Variants in PHACTR1 observed in about 807,000 individuals in gnomAD.
PHACTR1 encodes the protein phosphatase and actin regulator 1.
Under a neutral mutation model 69.2 loss-of-function variants are expected in PHACTR1, and 16 were observed. The observed-to-expected ratio is 0.23, with a 90% confidence interval of 0.16 to 0.35. The LOEUF is 0.35. PHACTR1 is among the 10% of genes least tolerant of loss of function. PHACTR1 has a pLI of 1.00. For synonymous variants in PHACTR1, 312 were observed against 284.5 expected (o/e 1.10, Z -0.97); for missense variants, 510 against 734.7 (o/e 0.69, Z 3.54).
intron 4 of PHACTR1, among the ~76,000 whole-genome samples, chr6:12,971,424 G>A (rs558378273): frequency 1.3e-5 from 2 of 152,282 alleles, no homozygotes; most frequent in South Asian, 2.1e-4. Context: ...AAACTCAAAC[G>A]ACTAAAAGTA....
At chr6:13,072,063 A>G (rs1809621477) in intron 5 of PHACTR1, among the ~76,000 whole-genome samples, 1 of 152,244 alleles carries the variant, frequency 6.6e-6, no homozygotes, top group African/African-American at 2.4e-5. Flanking sequence ...GAAAAGATTC[A>G]TTAGCAAATC....
chr6:12,938,057 G>A (rs893831860), intron 4 of PHACTR1, among the ~76,000 whole-genome samples: 2 of 151,928 alleles, frequency 1.3e-5, no homozygotes, highest in African/African-American at 4.8e-5. Context: ...CCGAGGTCAC[G>A]CCACTGCACT....
chr6:13,195,599 A>G (rs115799331), intron 7 of PHACTR1, among the ~76,000 whole-genome samples: 2,902 of 151,866 alleles, frequency 0.019, 101 homozygotes, highest in African/African-American at 0.065. Context: ...CTCTACTGAA[A>G]CTACAAAAAT....
chr6:13,108,848 A>AT (rs1816572466), intron 5 of PHACTR1, among the ~76,000 whole-genome samples: 1 of 151,734 alleles, frequency 6.6e-6, no homozygotes, highest in South Asian at 2.1e-4. Flanking sequence ...CTTGCTACTT[A>AT]TTTTCCATTT....
chr6:13,045,501 A>T lies in PHACTR1; in HGVS notation c.251-7864A>T, dbSNP rs547898260. On this transcript the variant is annotated intron_variant, in intron 4 of 14. Coordinates refer to ENST00000332995, the MANE Select transcript of PHACTR1 (RefSeq NM_030948.6). ...CAGAGTCCCATAAACCGCATTAGTC[A>T]TGTGGCCTCTTTCTGATACAGTGGC... Among the ~76,000 whole-genome samples, 3 of 152,322 alleles carry T rather than the reference A, an allele frequency of 2.0e-5. No individual in the cohort carries two copies. The South Asian group carries it at 6.2e-4, about 32-fold the overall frequency.
intron 5 of PHACTR1, among the ~76,000 whole-genome samples, chr6:13,091,643 C>T (rs1813302360): frequency 6.6e-6 from 1 of 152,050 alleles, no homozygotes; most frequent in East Asian, 1.9e-4. Flanking sequence ...ATACAACTCA[C>T]CATAATGTAG....
At chr6:12,748,940 T>C (rs1414312386) in intron 3 of PHACTR1, among the ~76,000 whole-genome samples, 1 of 152,094 alleles carries the variant, frequency 6.6e-6, no homozygotes, top group Non-Finnish European at 1.5e-5. Context: ...CACCTCTAAG[T>C]TGTAAGGGGG....
chr6:12,894,253 T>C (rs1271517023), intron 4 of PHACTR1, among the ~76,000 whole-genome samples: 2 of 152,262 alleles, frequency 1.3e-5, no homozygotes, highest in African/African-American at 2.4e-5. Flanking sequence ...AATGTAATTA[T>C]TTTTCACTAC....
intron 4 of PHACTR1, among the ~76,000 whole-genome samples, chr6:12,822,617 A>G (rs1776345881): frequency 6.6e-6 from 1 of 152,180 alleles, no homozygotes; most frequent in South Asian, 2.1e-4. Context: ...GTGTTAGAGG[A>G]GCCGGGGCAT....
intron 4 of PHACTR1, among the ~76,000 whole-genome samples, chr6:12,936,351 A>T (rs1270145642): frequency 6.6e-6 from 1 of 152,236 alleles, no homozygotes; most frequent in Non-Finnish European, 1.5e-5. Flanking sequence ...GAGGCACTGA[A>T]GTGTCTGCAC....
At chr6:12,856,923 G>T (rs1269612683) in intron 4 of PHACTR1, among the ~76,000 whole-genome samples, 1 of 152,322 alleles carries the variant, frequency 6.6e-6, no homozygotes, top group East Asian at 1.9e-4. Context: ...CCCTGCAGCG[G>T]CAAGGAAAAT....
At chr6:12,747,581 G>A (rs1180321911) in intron 3 of PHACTR1, among the ~76,000 whole-genome samples, 1 of 152,042 alleles carries the variant, frequency 6.6e-6, no homozygotes, top group Non-Finnish European at 1.5e-5. Context: ...TGGGAGGATT[G>A]CTTGAGCCCA....
chr6:13,163,230 C>T (rs1759308973), intron 6 of PHACTR1, among the ~76,000 whole-genome samples: 1 of 152,124 alleles, frequency 6.6e-6, no homozygotes, highest in South Asian at 2.1e-4. Context: ...GGCAACAGAG[C>T]AAGATTCTGT....
At chr6:13,103,401 A>G (rs1217411059) in intron 5 of PHACTR1, among the ~76,000 whole-genome samples, 1 of 152,228 alleles carries the variant, frequency 6.6e-6, no homozygotes, top group Non-Finnish European at 1.5e-5. Context: ...GAGAATTTGC[A>G]AATACTTTCT....
intron 11 of PHACTR1, 131 bp from the exon 12 acceptor site, chr6:13,278,137 A>AG (rs1184325076): frequency 1.3e-5 from 10 of 748,712 alleles, no homozygotes; most frequent in Non-Finnish European, 2.1e-5. Flanking sequence ...CAGCTGGGGG[A>AG]GGGGACAGGA....
At chr6:12,917,084 C>G (rs889508801) in intron 4 of PHACTR1, among the ~76,000 whole-genome samples, 1 of 152,188 alleles carries the variant, frequency 6.6e-6, no homozygotes, top group African/African-American at 2.4e-5. Flanking sequence ...GCTTCCAAAG[C>G]AAGTGTGCCA....
At chr6:13,258,921 T>C (rs1775548653) in intron 10 of PHACTR1, among the ~76,000 whole-genome samples, 1 of 152,220 alleles carries the variant, frequency 6.6e-6, no homozygotes, top group Non-Finnish European at 1.5e-5. Context: ...CTTGCTGATG[T>C]TGTTTTTATA....
chr6:13,137,382 T>G (rs1821727705), intron 5 of PHACTR1, among the ~76,000 whole-genome samples: 1 of 152,246 alleles, frequency 6.6e-6, no homozygotes, highest in East Asian at 1.9e-4. Flanking sequence ...TACCTAAACC[T>G]ATTCCAATGT....
chr6:12,846,858 G>A (rs927641588), intron 4 of PHACTR1, among the ~76,000 whole-genome samples: 1 of 143,812 alleles, frequency 7.0e-6, no homozygotes, highest in Non-Finnish European at 1.5e-5. Context: ...CCAGGCTGGA[G>A]TGCAGTGGCC....
Sources: gnomAD v4.1 joint callset for allele counts (sites outside exome capture counted in the v4.1 genomes callset) on GRCh38, gnomAD v4.1.1 for gene constraint, MANE v1.5 for transcripts, NCBI Gene and HGNC (gene_info 2026-07-23, HGNC 2026-07-21) for gene names.